LPP: variants seen among roughly 807,000 people sequenced by gnomAD.
LPP encodes LIM domain containing preferred translocation partner in lipoma.
LPP carries 38 observed loss-of-function variants against 60.4 expected under a neutral mutation model. That is an observed-to-expected ratio of 0.63 (90% confidence interval 0.49 to 0.83). The LOEUF is 0.83. LPP is among the 40% of genes least tolerant of loss of function. The pLI is 0.00. For synonymous variants in LPP, 328 were observed against 290.8 expected, an observed-to-expected ratio of 1.13 and a Z score of -1.30; for missense variants, 902 against 783.6, an observed-to-expected ratio of 1.15 and a Z score of -1.80.
chr3:188,488,198 G>T (rs1807178292), intron 5 of LPP, among the ~76,000 whole-genome samples: 1 of 152,036 alleles, frequency 6.6e-6, no homozygotes. Context: ...AGACTTCAAG[G>T]CTCTGAGATT....
intron 6 of LPP, among the ~76,000 whole-genome samples, chr3:188,551,173 G>A (rs149881830): frequency 6.6e-6 from 1 of 152,188 alleles, no homozygotes; most frequent in African/African-American, 2.4e-5. Flanking sequence ...CACATGGCTG[G>A]GGAGGACTCA....
At chr3:188,384,166 A>T (rs1337319962) in intron 3 of LPP, among the ~76,000 whole-genome samples, 1 of 152,212 alleles carries the variant, frequency 6.6e-6, no homozygotes, top group East Asian at 1.9e-4. Context: ...GTATTGTTTT[A>T]TGAAGTGTAA....
At chr3:188,596,984 G>T (rs1356819500) in intron 6 of LPP, among the ~76,000 whole-genome samples, 1 of 152,138 alleles carries the variant, frequency 6.6e-6, no homozygotes, top group East Asian at 1.9e-4. Context: ...GCTGCCTGGT[G>T]TGTATACACT....
At chr3:188,867,288 T>C (rs1766901508) in intron 10 of LPP, among the ~76,000 whole-genome samples, 1 of 148,086 alleles carries the variant, frequency 6.8e-6, no homozygotes, top group South Asian at 2.1e-4. Flanking sequence ...TAATAATATG[T>C]AAATATATTT....
intron 8 of LPP, chr3:188,710,049 G>A (rs994509339): frequency 2.6e-5 from 4 of 152,098 alleles, no homozygotes; most frequent in South Asian, 2.1e-4. Context: ...ATAGAGAAAC[G>A]ACATTTGGGG....
chr3:188,322,208 G>A (rs1757149522), intron 2 of LPP, among the ~76,000 whole-genome samples: 1 of 152,218 alleles, frequency 6.6e-6, no homozygotes, highest in Non-Finnish European at 1.5e-5. Context: ...GAAAAGGCAA[G>A]TTTAAGCTTG....
chr3:188,811,410 G>A (rs1577710201), intron 9 of LPP, among the ~76,000 whole-genome samples: 1 of 151,376 alleles, frequency 6.6e-6, no homozygotes, highest in Non-Finnish European at 1.5e-5. Flanking sequence ...AGAGTAGGGA[G>A]AGAAAAATTA....
intron 2 of LPP, among the ~76,000 whole-genome samples, chr3:188,231,957 C>T (rs941474521): frequency 1.3e-5 from 2 of 152,080 alleles, no homozygotes; most frequent in African/African-American, 4.8e-5. Context: ...TTATGAATAA[C>T]ATTTGTTTTA....
At chr3:188,636,805 C>T (rs1284888486) in intron 7 of LPP, among the ~76,000 whole-genome samples, 1 of 151,774 alleles carries the variant, frequency 6.6e-6, no homozygotes, top group Non-Finnish European at 1.5e-5. Context: ...CACGCTGACA[C>T]CTCACACGGC....
chr3:188,157,625 A>C (rs1716894907), intron 1 of LPP, among the ~76,000 whole-genome samples: 1 of 152,122 alleles, frequency 6.6e-6, no homozygotes, highest in Non-Finnish European at 1.5e-5. Context: ...CCCTGAGCGT[A>C]CAAAGATGAG....
At chr3:188,730,419 A>G (rs189093904) in intron 8 of LPP, among the ~76,000 whole-genome samples, 1 of 152,342 alleles carries the variant, frequency 6.6e-6, no homozygotes, top group East Asian at 1.9e-4. Flanking sequence ...ACGTATTTAC[A>G]GTGTTTGGTA....
chr3:188,197,110 A>C (rs1020332651), intron 1 of LPP, among the ~76,000 whole-genome samples: 3 of 152,222 alleles, frequency 2.0e-5, no homozygotes, highest in Non-Finnish European at 4.4e-5. Flanking sequence ...AATTGTATAG[A>C]TAAGACATTG....
chr3:188,685,948 A>G (rs1428935240), intron 7 of LPP, among the ~76,000 whole-genome samples: 2 of 152,004 alleles, frequency 1.3e-5, no homozygotes, highest in Non-Finnish European at 2.9e-5. Flanking sequence ...CATCATGATG[A>G]TGTGATGATG....
chr3:188,451,548 G>A (rs970348699), intron 4 of LPP, among the ~76,000 whole-genome samples: 2 of 152,156 alleles, frequency 1.3e-5, no homozygotes, highest in African/African-American at 4.8e-5. Flanking sequence ...AAATAGACAT[G>A]TCCTGTGGTT....
At chr3:188,873,725 G>A (rs773513153) in intron 11 of LPP, among the ~76,000 whole-genome samples, 12 of 152,138 alleles carry the variant, frequency 7.9e-5, no homozygotes, top group African/African-American at 2.9e-4. Flanking sequence ...GTGCTCAGGA[G>A]GCCTGTCCCC....
rs1292109994 is a variant in LPP at position 188,203,431 on chromosome 3, A to T, written c.-189-21974A>T. Among the ~76,000 whole-genome samples, 855 of 95,820 alleles carry T rather than the reference A, an allele frequency of 8.9e-3. 17 individuals carry two copies. Among genetic ancestry groups the T allele is most frequent in the East Asian group, 0.028 (98 of 3,512 alleles). The allele number at this position is 95,820 out of a possible 152,430, so 62.9% of individuals were successfully genotyped here. A position where few individuals can be genotyped will look rare whatever the true frequency, so the allele number is the denominator to read the frequency against. Reference sequence around the variant, plus strand: ...ATAAATATATATATAATATAAATATAAATATATATTTATATAAATATATAT... The same window carrying T: ...ATAAATATATATATAATATAAATATTAATATATATTTATATAAATATATAT... On this transcript the variant is annotated intron_variant, in intron 1 of 11. Coordinates refer to ENST00000617246, the MANE Select transcript of LPP (RefSeq NM_001375462.1).
At chr3:188,456,692 G>A (rs1360781015) in intron 4 of LPP, among the ~76,000 whole-genome samples, 1 of 152,232 alleles carries the variant, frequency 6.6e-6, no homozygotes, top group African/African-American at 2.4e-5. Flanking sequence ...TAAGAAGAGT[G>A]TGAGCACCTC....
At chr3:188,567,506 A>G (rs577403819) in intron 6 of LPP, among the ~76,000 whole-genome samples, 12 of 152,012 alleles carry the variant, frequency 7.9e-5, no homozygotes, top group Non-Finnish European at 1.5e-4. Flanking sequence ...AAAAAAAAAG[A>G]TGCAGTTTAT....
At chr3:188,852,603 G>T (rs1412010559) in intron 9 of LPP, among the ~76,000 whole-genome samples, 1 of 152,178 alleles carries the variant, frequency 6.6e-6, no homozygotes, top group Non-Finnish European at 1.5e-5. Flanking sequence ...TTGCTCTCTT[G>T]CTGTCATCCT....
Sources: allele counts gnomAD v4.1 joint callset (sites outside exome capture counted in the v4.1 genomes callset), GRCh38; gene constraint gnomAD v4.1.1; transcripts MANE v1.5; gene names NCBI Gene and HGNC (gene_info 2026-07-23, HGNC 2026-07-21).